Variants in TASP1 observed in about 807,000 individuals in gnomAD.
TASP1 encodes threonine aspartase 1.
TASP1 carries 16 observed loss-of-function variants against 56.6 expected under a neutral mutation model. That is an observed-to-expected ratio of 0.28 (90% CI 0.19 to 0.43). The LOEUF (loss-of-function observed/expected upper bound fraction) is 0.43. Among genes scored for constraint, TASP1 ranks in the 20% least tolerant of loss-of-function variants. TASP1 has a pLI of 1.00. For synonymous variants in TASP1, 179 were observed against 184.2 expected (o/e 0.97, Z 0.23); for missense variants, 393 against 511.6 (o/e 0.77, Z 2.24).
At chr20:13,312,300 C>T in the TASP1 span, among the ~76,000 whole-genome samples, 19,539 of 152,188 alleles carry the variant, frequency 0.13, 1,374 homozygotes, top group Admixed American at 0.18. Flanking sequence ...AGTTCACAGT[C>T]GGCATGTGTG....
chr20:13,541,895 A>G (rs1023846968), intron 8 of TASP1, among the ~76,000 whole-genome samples: 2 of 151,884 alleles, frequency 1.3e-5, no homozygotes, highest in African/African-American at 4.8e-5. Flanking sequence ...AATACAAAAC[A>G]TGAGCCAGGC....
intron 10 of TASP1, among the ~76,000 whole-genome samples, chr20:13,502,156 T>C (rs549447630): frequency 2.6e-5 from 4 of 152,010 alleles, no homozygotes; most frequent in Non-Finnish European, 5.9e-5. Context: ...TGAAACCTAA[T>C]TGGATGTCTT....
chr20:13,614,786 G>GT (rs1239705730), intron 4 of TASP1: 1 of 468,428 alleles, frequency 2.1e-6, no homozygotes, highest in Non-Finnish European at 4.4e-6. Context: ...ATTTGAAATA[G>GT]TTTTAAACTT....
chr20:13,109,274 C>G, the TASP1 span, among the ~76,000 whole-genome samples: 2 of 152,180 alleles, frequency 1.3e-5, no homozygotes, highest in Non-Finnish European at 2.9e-5. Context: ...TTCTACATCA[C>G]CATTTCATTT....
chr20:13,604,268 G>C (rs1303706302), intron 4 of TASP1, among the ~76,000 whole-genome samples: 1 of 152,112 alleles, frequency 6.6e-6, no homozygotes, highest in East Asian at 1.9e-4. Flanking sequence ...GGTCATGGGG[G>C]CGGATACTTC....
chr20:13,417,976 A>C (rs1297735174), intron 12 of TASP1, among the ~76,000 whole-genome samples: 1 of 152,182 alleles, frequency 6.6e-6, no homozygotes, highest in African/African-American at 2.4e-5. Context: ...GCAATGGCGC[A>C]ATCCCAGCTC....
chr20:13,423,611 C>A (rs926897565), intron 12 of TASP1, among the ~76,000 whole-genome samples: 2 of 152,148 alleles, frequency 1.3e-5, no homozygotes, highest in African/African-American at 4.8e-5. Context: ...CATGTATGAA[C>A]ATGCTTGTAA....
the TASP1 span, among the ~76,000 whole-genome samples, chr20:13,297,957 G>A: frequency 1.3e-5 from 2 of 152,112 alleles, no homozygotes; most frequent in African/African-American, 2.4e-5. Flanking sequence ...TGCAGACAGC[G>A]ATGGTTACAT....
chr20:13,411,195 T>TA (rs1464725664), intron 13 of TASP1, among the ~76,000 whole-genome samples: 3 of 152,188 alleles, frequency 2.0e-5, no homozygotes, highest in African/African-American at 7.2e-5. Context: ...TGCCTGTTTT[T>TA]ATCATAATGT....
At chr20:13,196,750 T>TAGA in the TASP1 span, among the ~76,000 whole-genome samples, 1 of 152,212 alleles carries the variant, frequency 6.6e-6, no homozygotes, top group South Asian at 2.1e-4. Flanking sequence ...TTTCTCAATA[T>TAGA]ACTCACAGAA....
At chr20:13,609,450 A>T (rs1940527363) in intron 4 of TASP1, among the ~76,000 whole-genome samples, 1 of 152,104 alleles carries the variant, frequency 6.6e-6, no homozygotes, top group Non-Finnish European at 1.5e-5. Context: ...TTGGGAGGCC[A>T]AGGAGGGCAG....
At chr20:13,352,762 G>C in the TASP1 span, among the ~76,000 whole-genome samples, 3 of 152,294 alleles carry the variant, frequency 2.0e-5, no homozygotes, top group African/African-American at 4.8e-5. Flanking sequence ...CATTGAACCA[G>C]TGTTTTAAGA....
At chr20:13,561,907 A>G (rs1272585261) in intron 7 of TASP1, among the ~76,000 whole-genome samples, 1 of 152,206 alleles carries the variant, frequency 6.6e-6, no homozygotes, top group Non-Finnish European at 1.5e-5. Context: ...AATATACACA[A>G]AAGAAAATGA....
chr20:13,480,311 C>T (rs903324232), intron 11 of TASP1, among the ~76,000 whole-genome samples: 1 of 152,182 alleles, frequency 6.6e-6, no homozygotes, highest in Non-Finnish European at 1.5e-5. Context: ...TGTCTTGACT[C>T]CCAGAACATT....
chr20:13,196,915 G>A, the TASP1 span, among the ~76,000 whole-genome samples: 2 of 152,136 alleles, frequency 1.3e-5, no homozygotes, highest in African/African-American at 4.8e-5. Flanking sequence ...ATTACCAATT[G>A]TTTACTTGTA....
chr20:13,156,661 T>C, the TASP1 span, among the ~76,000 whole-genome samples: 5 of 152,364 alleles, frequency 3.3e-5, no homozygotes, highest in East Asian at 1.9e-4. Flanking sequence ...TTAGCTTTCA[T>C]TATTAATAGC....
the TASP1 span, among the ~76,000 whole-genome samples, chr20:13,236,375 T>A: frequency 6.6e-6 from 1 of 152,148 alleles, no homozygotes; most frequent in Non-Finnish European, 1.5e-5. Context: ...ATGATTCAAT[T>A]GCCTCCACCT....
chr20:13,342,645 G>C, the TASP1 span, among the ~76,000 whole-genome samples: 1 of 152,330 alleles, frequency 6.6e-6, no homozygotes, highest in South Asian at 2.1e-4. Context: ...CCCGCCTGAG[G>C]AATGAGCGGA....
chr20:13,268,298 C>G, the TASP1 span, among the ~76,000 whole-genome samples: 88 of 146,270 alleles, frequency 6.0e-4, 2 homozygotes, highest in Non-Finnish European at 1.7e-4. Flanking sequence ...TCTTCTCTTC[C>G]TTCTCTTCTC....
Sources: gnomAD v4.1 joint callset for allele counts (sites outside exome capture counted in the v4.1 genomes callset) on GRCh38, gnomAD v4.1.1 for gene constraint, MANE v1.5 for transcripts, NCBI Gene and HGNC (gene_info 2026-07-23, HGNC 2026-07-21) for gene names.